RNF6: variants seen among roughly 807,000 people sequenced by gnomAD.
RNF6 encodes the protein E3 ubiquitin-protein ligase RNF6.
RNF6 carries 21 observed loss-of-function variants against 50.1 expected under a neutral mutation model. The observed-to-expected ratio is 0.42, with a 90% CI of 0.30 to 0.60. The LOEUF (loss-of-function observed/expected upper bound fraction) is 0.60. RNF6 is among the 20% of genes least tolerant of loss of function. The probability of loss-of-function intolerance (pLI) is 0.20; values close to 1 mark genes in which losing one functional copy is unlikely to be tolerated. For synonymous variants in RNF6, 255 were observed against 291.8 expected, an observed-to-expected ratio of 0.87 and a Z score of 1.29; for missense variants, 698 against 838.2, an observed-to-expected ratio of 0.83 and a Z score of 2.07.
intron 5 of RNF6, among the ~76,000 whole-genome samples, chr13:26,194,459 A>G (rs1868580462): frequency 6.6e-6 from 1 of 152,298 alleles, no homozygotes; most frequent in South Asian, 2.1e-4. Flanking sequence ...ATAATAGGAC[A>G]ATGTAATGCT....
chr13:26,188,757 G>C (rs368293134), intron 5 of RNF6, among the ~76,000 whole-genome samples: 29 of 142,652 alleles, frequency 2.0e-4, no homozygotes, highest in African/African-American at 6.7e-4. Context: ...AGCCTCCCAA[G>C]TAGCTGGGAC....
chr13:26,218,671 G>A (rs990958779), intron 3 of RNF6, 65 bp from the exon 4 acceptor site: 14 of 1,221,896 alleles, frequency 1.1e-5, no homozygotes, highest in African/African-American at 1.0e-4. Context: ...CTCATGAAGG[G>A]TAAGACTAAT....
intron 5 of RNF6, among the ~76,000 whole-genome samples, chr13:26,200,045 A>C (rs1406559490): frequency 6.6e-6 from 1 of 152,204 alleles, no homozygotes; most frequent in African/African-American, 2.4e-5. Flanking sequence ...TCTATGAACC[A>C]GAAAGTAAGC....
In RNF6 at chr13:26,155,888, A is replaced by G. The variant is rs184047126; in HGVS notation, n.769-23437T>C. ...GCGGACAGGGCAGAAGGAGTCTTAAACAAGCCACAGGTCCTGGTTAGACAA... is the reference window on the plus strand; with the variant it reads ...GCGGACAGGGCAGAAGGAGTCTTAAGCAAGCCACAGGTCCTGGTTAGACAA... On this transcript the variant is annotated intron_variant and non_coding_transcript_variant, in intron 5 of 5. Coordinates refer to the RNF6 transcript ENST00000468480. Among the ~76,000 whole-genome samples the G allele has an allele frequency of 3.9e-5, 6 of 152,302 alleles. No homozygotes were observed. In the East Asian group the frequency reaches 1.2e-3, roughly 29 times the overall value.
At chr13:26,172,681 C>G (rs1325822150) in intron 5 of RNF6, among the ~76,000 whole-genome samples, 1 of 152,078 alleles carries the variant, frequency 6.6e-6, no homozygotes, top group Non-Finnish European at 1.5e-5. Flanking sequence ...GTAGCTGGCA[C>G]TACAGGTGCC....
rs1173259882 is a variant in RNF6 at position 26,214,215 on chromosome 13, G to A, written c.1667C>T (p.Thr556Ile). Reference sequence around the variant, plus strand: ...GTCACTGTTTCGAGTATGAGGCTGGGTGGTCTCGTTTTCACCATGCATTTC... The same window carrying A: ...GTCACTGTTTCGAGTATGAGGCTGGATGGTCTCGTTTTCACCATGCATTTC... The part of the protein sequence containing the change: ...STEMHGENET[T>I]QPHTRNSDSR... Residue 556 changes from threonine (T) to isoleucine (I), a missense_variant, in exon 5 of 5, where the codon ACC becomes ATC. Physicochemically the swap from Thr to Ile is moderately conservative, Grantham distance 89 (BLOSUM62 -1). Coordinates refer to ENST00000381588, the MANE Select transcript of RNF6 (RefSeq NM_005977.4). 5 of 1,614,182 alleles carry A rather than the reference G, an allele frequency of 3.1e-6. No homozygotes were observed. Among genetic ancestry groups the A allele is most frequent in the Non-Finnish European group, 4.2e-6 (5 of 1,180,030 alleles).
chr13:26,181,831 C>A (rs770418193), intron 5 of RNF6, among the ~76,000 whole-genome samples: 4 of 152,186 alleles, frequency 2.6e-5, no homozygotes, highest in Non-Finnish European at 5.9e-5. Flanking sequence ...AACTATTTTC[C>A]TTGGTAGATA....
chr13:26,209,401 T>A (rs1458361938), downstream of RNF6, among the ~76,000 whole-genome samples: 4 of 152,258 alleles, frequency 2.6e-5, no homozygotes, highest in Non-Finnish European at 5.9e-5. Flanking sequence ...CAGCGAGATA[T>A]GCTATTATAT....
chr13:26,192,843 G>A (rs1041803250), intron 5 of RNF6, among the ~76,000 whole-genome samples: 3 of 152,230 alleles, frequency 2.0e-5, no homozygotes, highest in African/African-American at 7.2e-5. Context: ...TTTCAGCCTT[G>A]TGAGAGACCC....
At chr13:26,195,621 A>C (rs562707155) in intron 5 of RNF6, among the ~76,000 whole-genome samples, 1 of 152,252 alleles carries the variant, frequency 6.6e-6, no homozygotes, top group African/African-American at 2.4e-5. Context: ...ACAGAAAATC[A>C]AAGACAAATT....
intron 5 of RNF6, among the ~76,000 whole-genome samples, chr13:26,152,399 T>C (rs951280444): frequency 1.3e-5 from 2 of 152,216 alleles, no homozygotes; most frequent in South Asian, 4.1e-4. Flanking sequence ...TCTGTAATGC[T>C]TGGCTTAAAT....
intron 5 of RNF6, among the ~76,000 whole-genome samples, chr13:26,142,717 C>A (rs1382681880): frequency 1.3e-5 from 2 of 151,990 alleles, no homozygotes; most frequent in African/African-American, 4.8e-5. Context: ...TGGGGGACTC[C>A]AAGAGGAGGG....
At chr13:26,138,693 A>T (rs1373484665) in intron 5 of RNF6, among the ~76,000 whole-genome samples, 2 of 152,216 alleles carry the variant, frequency 1.3e-5, no homozygotes, top group African/African-American at 4.8e-5. Context: ...ATAAATTAAG[A>T]TTAAGATGCT....
chr13:26,197,575 TC>T (rs749557145), intron 5 of RNF6, among the ~76,000 whole-genome samples: 1 of 151,854 alleles, frequency 6.6e-6, no homozygotes, highest in Non-Finnish European at 1.5e-5. Context: ...GCTCAAGCCC[TC>T]TACTTGCTCT....
At chr13:26,216,735 A>T (rs1198257756) in intron 4 of RNF6, among the ~76,000 whole-genome samples, 1 of 152,172 alleles carries the variant, frequency 6.6e-6, no homozygotes, top group African/African-American at 2.4e-5. Context: ...CAGGCAGATC[A>T]TGAAGTCAGG....
intron 5 of RNF6, among the ~76,000 whole-genome samples, chr13:26,178,200 T>C (rs1411922519): frequency 6.6e-6 from 1 of 151,988 alleles, no homozygotes; most frequent in East Asian, 1.9e-4. Flanking sequence ...AAAAATAAAA[T>C]TAAATAAAAT....
At chr13:26,146,077 C>T (rs1397254135) in intron 5 of RNF6, among the ~76,000 whole-genome samples, 2 of 152,192 alleles carry the variant, frequency 1.3e-5, no homozygotes, top group African/African-American at 4.8e-5. Context: ...AGTGTCCATT[C>T]AGAGATAGTG....
intron 2 of RNF6, 27 bp downstream of exon 2, chr13:26,221,221 T>A (rs1870453403): frequency 6.6e-6 from 1 of 152,238 alleles, no homozygotes; most frequent in Admixed American, 6.5e-5. Flanking sequence ...CTTATACAGT[T>A]AATCACAATG....
rs184435413 is a variant in RNF6 at position 26,141,124 on chromosome 13, C to T, written n.769-8673G>A. ...TCATTTTTCACGGAATTAGAAAAAACTATTCTAAAATTCATATGGAACCAA... is the reference window on the plus strand; with the variant it reads ...TCATTTTTCACGGAATTAGAAAAAATTATTCTAAAATTCATATGGAACCAA... On this transcript the variant is annotated intron_variant and non_coding_transcript_variant, in intron 5 of 5. Transcript: ENST00000468480. Among the ~76,000 whole-genome samples the T allele has an allele frequency of 3.6e-3, 544 of 152,176 alleles. 4 individuals are homozygous for T. Among genetic ancestry groups the T allele is most frequent in the African/African-American group, 0.013 (523 of 41,512 alleles).
Sources: allele counts gnomAD v4.1 joint callset (sites outside exome capture counted in the v4.1 genomes callset), GRCh38; gene constraint gnomAD v4.1.1; transcripts MANE v1.5; gene names NCBI Gene and HGNC (gene_info 2026-07-23, HGNC 2026-07-21).